Variants in DNAAF9 observed in about 807,000 individuals in gnomAD.
DNAAF9 encodes the protein dynein axonemal assembly factor 9.
In DNAAF9, 90 loss-of-function variants were observed where a neutral mutation model predicts 167.0. The observed-to-expected ratio is 0.54, with a 90% CI of 0.45 to 0.64. The LOEUF (loss-of-function observed/expected upper bound fraction) is 0.64, where lower values mean the gene tolerates loss of function less well. DNAAF9 is among the 30% of genes least tolerant of loss of function. DNAAF9 has a pLI of 0.00. For missense variants in DNAAF9, 1,315 were observed against 1,442.2 expected (o/e 0.91, Z 1.43); for synonymous variants, 491 against 508.8 (o/e 0.96, Z 0.47).
At chr20:3,281,350 T>C (rs2068761235) in intron 28 of DNAAF9, among the ~76,000 whole-genome samples, 1 of 152,186 alleles carries the variant, frequency 6.6e-6, no homozygotes, top group South Asian at 2.1e-4. Flanking sequence ...TTTAACAATA[T>C]TTAGTACACA....
chr20:3,255,994 T>G lies in DNAAF9; in HGVS notation c.3261+12A>C, dbSNP rs769917865. 1.2e-5 allele frequency: 20 copies of G among 1,608,098 alleles called. No individual in the cohort carries two copies. Among genetic ancestry groups the G allele is most frequent in the Non-Finnish European group, 1.6e-5 (19 of 1,176,370 alleles). On this transcript the variant is annotated intron_variant, in intron 34 of 36. Transcript: ENST00000252032. ...ACATCTGTGTCAGGTCTGTCTGGGC[T>G]CTGGAAACCACCTGCTTAGCTGACT...
In DNAAF9 at chr20:3,328,182, TG is replaced by T. The variant is rs2069747630; in HGVS notation, c.1101-1899del. On this transcript the variant is annotated intron_variant, in intron 12 of 36. Coordinates refer to ENST00000252032, the MANE Select transcript of DNAAF9 (RefSeq NM_001009984.3). ...TAAAATTAAAAAGCCTGCATGGCTCTGTTTTTTTTTTTTTTTTGAGATGGAG... is the reference window on the plus strand; with the variant it reads ...TAAAATTAAAAAGCCTGCATGGCTCTTTTTTTTTTTTTTTTTGAGATGGAG... Among the ~76,000 whole-genome samples, 3 of 138,238 alleles carry T rather than the reference TG, an allele frequency of 2.2e-5. No homozygotes were observed. In the South Asian group the frequency reaches 6.6e-4, roughly 30 times the overall value. 90.7% of individuals were successfully genotyped at this position (138,238 alleles called of 152,430 possible).
chr20:3,255,259 G>C lies in DNAAF9; in HGVS notation c.3287C>G (p.Thr1096Ser). The C allele has an allele frequency of 6.4e-7, 1 of 1,550,826 alleles. No homozygotes were observed. The highest frequency in any genetic ancestry group is 2.4e-5 in the East Asian group (1 of 40,914). The change falls in exon 35 of 37, where the codon ACC becomes AGC. Residue 1096 changes from threonine to serine, a missense_variant. Transcript: ENST00000252032. ...CTCCTGTTGCGTCAGCATCCCCCTGGTCTTCAGGGCTTTCCTCTGAGGCTT... is the reference window on the plus strand; with the variant it reads ...CTCCTGTTGCGTCAGCATCCCCCTGCTCTTCAGGGCTTTCCTCTGAGGCTT... ...KQKPQRKALKTRGMLTQQEIR... is the reference protein window; with the variant it reads ...KQKPQRKALKSRGMLTQQEIR...
chr20:3,318,234 CAAA>C (rs59462924), intron 17 of DNAAF9, 52 bp downstream of exon 17: 90,058 of 608,576 alleles, frequency 0.15, 55 homozygotes, highest in South Asian at 0.21. Flanking sequence ...TTTATTTTGC[CAAA>C]AAAAAAAAAA....
At chr20:3,362,264 G>C in intron 6 of DNAAF9, 13 of 1,324,980 alleles carry the variant, frequency 9.8e-6, no homozygotes, top group Non-Finnish European at 1.3e-5. Flanking sequence ...CTTTCTTCGA[G>C]TTCTTCCAAC....
At chr20:3,364,504 G>T (rs2083405341) in intron 6 of DNAAF9, among the ~76,000 whole-genome samples, 1 of 152,154 alleles carries the variant, frequency 6.6e-6, no homozygotes, top group Non-Finnish European at 1.5e-5. Context: ...ATCCTCCTGA[G>T]TGATCTACCC....
intron 36 of DNAAF9, among the ~76,000 whole-genome samples, chr20:3,253,108 G>A (rs567508931): frequency 3.8e-4 from 58 of 152,280 alleles, no homozygotes; most frequent in African/African-American, 1.3e-3. Flanking sequence ...TGGATCACTT[G>A]AGCCCAGGAG....
intron 17 of DNAAF9, among the ~76,000 whole-genome samples, chr20:3,317,641 G>C (rs1037406257): frequency 2.0e-5 from 3 of 151,992 alleles, no homozygotes; most frequent in African/African-American, 7.2e-5. Context: ...CTGTCACCCA[G>C]GCTGGAGTGC....
intron 21 of DNAAF9, among the ~76,000 whole-genome samples, chr20:3,300,021 G>C (rs2122964980): frequency 6.6e-6 from 1 of 152,136 alleles, no homozygotes; most frequent in South Asian, 2.1e-4. Context: ...TTGTGCCTCA[G>C]CCTTCCGAGT....
intron 17 of DNAAF9, among the ~76,000 whole-genome samples, chr20:3,317,889 G>A (rs141965742): frequency 2.0e-5 from 3 of 152,230 alleles, no homozygotes; most frequent in Admixed American, 6.5e-5. Flanking sequence ...GAACCACCAC[G>A]CCCAGCCTTC....
intron 12 of DNAAF9, 59 bp downstream of exon 12, chr20:3,330,587 G>A: frequency 1.0e-6 from 1 of 987,106 alleles, no homozygotes; most frequent in South Asian, 1.3e-5. Context: ...AAGTACACAG[G>A]ACAGTCACAA....
chr20:3,325,694 C>T (rs1017388579), intron 13 of DNAAF9, among the ~76,000 whole-genome samples: 2 of 152,168 alleles, frequency 1.3e-5, no homozygotes, highest in Admixed American at 6.5e-5. Flanking sequence ...TCCAACTCAG[C>T]AGGGCAGGTT....
intron 20 of DNAAF9, among the ~76,000 whole-genome samples, chr20:3,313,456 C>T (rs1056463534): frequency 3.3e-5 from 5 of 152,126 alleles, no homozygotes; most frequent in Admixed American, 3.3e-4. Context: ...ACAAGAAGAA[C>T]AAATCATCCA....
chr20:3,312,488 T>C (rs6084335), intron 20 of DNAAF9, among the ~76,000 whole-genome samples: 43,196 of 151,770 alleles, frequency 0.28, 6,349 homozygotes, highest in East Asian at 0.4. Context: ...TCACCTTCTA[T>C]GGGACTCAGG....
At chr20:3,290,290 A>C in intron 25 of DNAAF9, 73 bp from the exon 26 acceptor site, 1 of 965,562 alleles carries the variant, frequency 1.0e-6, no homozygotes, top group Non-Finnish European at 1.7e-6. Context: ...AAGAGAACTG[A>C]CTTCTGGTGC....
chr20:3,355,103 A>G (rs973644471), intron 7 of DNAAF9, among the ~76,000 whole-genome samples: 1 of 152,150 alleles, frequency 6.6e-6, no homozygotes, highest in Non-Finnish European at 1.5e-5. Context: ...ATACTACTAA[A>G]TTACCTGTCT....
At chr20:3,384,619 C>T (rs915640562) in intron 1 of DNAAF9, among the ~76,000 whole-genome samples, 4 of 151,652 alleles carry the variant, frequency 2.6e-5, no homozygotes, top group African/African-American at 9.7e-5. Context: ...GCAATCCTCC[C>T]TCCTCAGCCC....
At chr20:3,304,686 C>T in intron 20 of DNAAF9, 143 bp from the exon 21 acceptor site, 1 of 594,072 alleles carries the variant, frequency 1.7e-6, no homozygotes, top group Non-Finnish European at 3.0e-6. Context: ...GAGCCCTGTG[C>T]TCTGAGGAAG....
chr20:3,399,459 C>A (rs1285880141), intron 1 of DNAAF9, among the ~76,000 whole-genome samples: 1 of 152,142 alleles, frequency 6.6e-6, no homozygotes, highest in Non-Finnish European at 1.5e-5. Context: ...CCGCCCGCCT[C>A]GGCCTCCCAA....
Sources: allele counts gnomAD v4.1 joint callset (sites outside exome capture counted in the v4.1 genomes callset), GRCh38; gene constraint gnomAD v4.1.1; transcripts MANE v1.5; gene names NCBI Gene and HGNC (gene_info 2026-07-23, HGNC 2026-07-21).